Variants in PTH2R observed in about 807,000 individuals in gnomAD.
PTH2R encodes the protein parathyroid hormone 2 receptor.
PTH2R carries 59 observed loss-of-function variants against 60.3 expected under a neutral mutation model. The observed-to-expected ratio is 0.98, with a 90% confidence interval of 0.79 to 1.22. The LOEUF (loss-of-function observed/expected upper bound fraction) is 1.22, where lower values mean the gene tolerates loss of function less well. PTH2R is among the 50% of genes most tolerant of loss of function. The pLI, the probability that PTH2R is intolerant of heterozygous loss-of-function variation, is 0.00. For synonymous variants in PTH2R, 256 were observed against 243.8 expected (o/e 1.05, Z -0.47); for missense variants, 749 against 682.6 (o/e 1.10, Z -1.08).
At chr2:208,458,064 A>G (rs986667392) in intron 8 of PTH2R, among the ~76,000 whole-genome samples, 1 of 152,174 alleles carries the variant, frequency 6.6e-6, no homozygotes, top group Admixed American at 6.5e-5. Flanking sequence ...CAAGTGTTAT[A>G]TTAAAGTGCC....
intron 1 of PTH2R, among the ~76,000 whole-genome samples, chr2:208,375,261 C>T (rs1332317718): frequency 2.0e-5 from 3 of 151,860 alleles, no homozygotes; most frequent in Non-Finnish European, 4.4e-5. Context: ...AGTAATGAAT[C>T]CCCCCGTGAA....
Position 208,408,670 on chromosome 2 carries a change from G to A in PTH2R, c.75+1552G>A, listed in dbSNP as rs547136405. On this transcript the variant is annotated intron_variant, in intron 1 of 12. Transcript: ENST00000272847. Reference sequence around the variant, plus strand: ...CACTGCACTCCAGCCTGGCAACAAAGTGAGACCCTGTCTTGAAGGAAGGAA... The same window carrying A: ...CACTGCACTCCAGCCTGGCAACAAAATGAGACCCTGTCTTGAAGGAAGGAA... 2.0e-5 allele frequency among the ~76,000 whole-genome samples: 3 copies of A among 148,124 alleles called. No homozygotes were observed. In the South Asian group the frequency reaches 6.4e-4, roughly 32 times the overall value.
Position 208,442,405 on chromosome 2 carries a change from C to A in PTH2R, c.453C>A (p.Gly151=), listed in dbSNP as rs1282965775. 1.1e-5 allele frequency: 17 copies of A among 1,613,452 alleles called. No homozygotes were observed. Among genetic ancestry groups the A allele is most frequent in the Non-Finnish European group, 1.4e-5 (17 of 1,179,534 alleles). ...FERLYVMYTV[G]YSISFGSLAV... ...GCCTCTATGTAATGTATACCGTTGG[C>A]TACTCCATCTCTTTTGGTTCCTTGG... The change falls in exon 5 of 13, where the codon GGC becomes GGA. Residue 151 remains glycine (G), a synonymous_variant. Coordinates refer to ENST00000272847, the MANE Select transcript of PTH2R (RefSeq NM_005048.4).
intron 1 of PTH2R, among the ~76,000 whole-genome samples, chr2:208,414,015 C>T (rs1701592363): frequency 6.6e-6 from 1 of 152,106 alleles, no homozygotes; most frequent in African/African-American, 2.4e-5. Flanking sequence ...TTTTAGCTTC[C>T]CTATCTTAGT....
chr2:208,439,562 A>G (rs1702142790), intron 4 of PTH2R, among the ~76,000 whole-genome samples: 1 of 152,052 alleles, frequency 6.6e-6, no homozygotes, highest in Admixed American at 6.5e-5. Flanking sequence ...GTGTAAATTT[A>G]GAATAAATGC....
chr2:208,363,558 T>C (rs1046557419), intron 1 of PTH2R, among the ~76,000 whole-genome samples: 1 of 152,240 alleles, frequency 6.6e-6, no homozygotes, highest in Non-Finnish European at 1.5e-5. Flanking sequence ...GGTGGAATGA[T>C]TAATTCACTT....
At chr2:208,450,885 T>G (rs1702393936) in intron 8 of PTH2R, 76 bp downstream of exon 8, 1 of 1,479,660 alleles carries the variant, frequency 6.8e-7, no homozygotes, top group African/African-American at 1.4e-5. Context: ...GAATTCACAC[T>G]CGCTTCTGTT....
At chr2:208,393,608 C>T (rs1407125069) in intron 1 of PTH2R, among the ~76,000 whole-genome samples, 1 of 152,208 alleles carries the variant, frequency 6.6e-6, no homozygotes, top group Non-Finnish European at 1.5e-5. Context: ...ACATGTTGCT[C>T]ATCTCCGTAT....
intron 1 of PTH2R, among the ~76,000 whole-genome samples, chr2:208,399,852 T>A (rs1701275224): frequency 6.6e-6 from 1 of 152,118 alleles, no homozygotes; most frequent in African/African-American, 2.4e-5. Context: ...ACCAAGAGAT[T>A]TATTTGAGGT....
rs1262868938 is a variant in PTH2R at position 208,420,210 on chromosome 2, C to T, written c.76-7991C>T. Among the ~76,000 whole-genome samples, 3 of 151,452 alleles carry T rather than the reference C, an allele frequency of 2.0e-5. No homozygotes were observed. The East Asian group carries it at 5.8e-4, about 29-fold the overall frequency. Reference sequence around the variant, plus strand: ...AAATGACGAGTTAATGGGTGCAGCACAGCAACATGGCACATGTATACATAT... The same window carrying T: ...AAATGACGAGTTAATGGGTGCAGCATAGCAACATGGCACATGTATACATAT... On this transcript the variant is annotated intron_variant, in intron 1 of 12. Coordinates refer to ENST00000272847, the MANE Select transcript of PTH2R (RefSeq NM_005048.4).
At chr2:208,475,001 T>A (rs987837851) in intron 9 of PTH2R, among the ~76,000 whole-genome samples, 1 of 152,184 alleles carries the variant, frequency 6.6e-6, no homozygotes, top group African/African-American at 2.4e-5. Flanking sequence ...TGGAAGGAGA[T>A]CAGTGCTGCA....
chr2:208,375,986 G>A (rs1436780267), intron 1 of PTH2R, among the ~76,000 whole-genome samples: 8 of 152,200 alleles, frequency 5.3e-5, no homozygotes, highest in Middle Eastern at 3.4e-3. Context: ...CCATGAAGCC[G>A]AAATAGGTTT....
intron 8 of PTH2R, among the ~76,000 whole-genome samples, chr2:208,456,298 G>A (rs1040536871): frequency 6.6e-6 from 1 of 152,044 alleles, no homozygotes; most frequent in Non-Finnish European, 1.5e-5. Context: ...AGTAGGTTGG[G>A]CAAATTAAAT....
At chr2:208,417,360 G>T (rs1701659980) in intron 1 of PTH2R, among the ~76,000 whole-genome samples, 1 of 152,126 alleles carries the variant, frequency 6.6e-6, no homozygotes, top group Non-Finnish European at 1.5e-5. Flanking sequence ...GCCAAAAATT[G>T]TAACTGGGGT....
intron 1 of PTH2R, among the ~76,000 whole-genome samples, chr2:208,398,542 C>T (rs930936816): frequency 5.9e-5 from 9 of 152,158 alleles, no homozygotes; most frequent in South Asian, 2.1e-4. Flanking sequence ...AAGACAATCA[C>T]GCTCTTGTGT....
At chr2:208,377,966 G>C (rs571596589) in intron 1 of PTH2R, among the ~76,000 whole-genome samples, 1 of 151,914 alleles carries the variant, frequency 6.6e-6, no homozygotes, top group Non-Finnish European at 1.5e-5. Context: ...CTTCCCAGAC[G>C]GGGTGGCGGC....
intron 1 of PTH2R, among the ~76,000 whole-genome samples, chr2:208,376,782 G>A (rs142059980): frequency 5.3e-4 from 80 of 151,778 alleles, no homozygotes; most frequent in African/African-American, 1.8e-3. Context: ...TCTGCAGCAC[G>A]TCACTCCCTC....
intron 9 of PTH2R, 83 bp from the exon 10 acceptor site, chr2:208,480,987 G>A: frequency 9.8e-7 from 1 of 1,023,162 alleles, no homozygotes; most frequent in Admixed American, 2.6e-5. Context: ...TTATTTGAAT[G>A]GAAAAAATTT....
At chr2:208,376,393 G>A (rs955286038) in intron 1 of PTH2R, among the ~76,000 whole-genome samples, 1 of 152,086 alleles carries the variant, frequency 6.6e-6, no homozygotes, top group Non-Finnish European at 1.5e-5. Flanking sequence ...GCACTTTTAT[G>A]TGTGTTTTTA....
Sources: allele counts gnomAD v4.1 joint callset (sites outside exome capture counted in the v4.1 genomes callset), GRCh38; gene constraint gnomAD v4.1.1; transcripts MANE v1.5; gene names NCBI Gene and HGNC (gene_info 2026-07-23, HGNC 2026-07-21).